The following AKAP8 variants were observed in gnomAD, a reference collection of about 807,000 sequenced individuals.
AKAP8 encodes the protein A-kinase anchor protein 8.
In AKAP8, 24 loss-of-function variants were observed where a neutral mutation model predicts 67.5. The observed-to-expected ratio is 0.36, with a 90% CI of 0.26 to 0.50. The LOEUF is 0.50. Among genes scored for constraint, AKAP8 ranks in the 20% least tolerant of loss-of-function variants. The pLI is 0.97. For missense variants in AKAP8, 971 were observed against 955.9 expected (o/e 1.02, Z -0.21); for synonymous variants, 400 against 371.1 (o/e 1.08, Z -0.90).
intron 1 of AKAP8, among the ~76,000 whole-genome samples, chr19:15,378,081 GC>G (rs1318516108): frequency 5.9e-5 from 9 of 152,208 alleles, no homozygotes; most frequent in African/African-American, 2.2e-4. Context: ...CCTAGTGCGT[GC>G]CGATACACCG....
intron 10 of AKAP8, 131 bp from the exon 11 acceptor site, chr19:15,361,953 C>A: frequency 3.7e-6 from 5 of 1,343,748 alleles, no homozygotes; most frequent in Non-Finnish European, 5.1e-6. Flanking sequence ...GGCTGGAGCT[C>A]CCGGTTGTCC....
chr19:15,355,613 T>G (rs2048273223), intron 13 of AKAP8, among the ~76,000 whole-genome samples: 1 of 151,680 alleles, frequency 6.6e-6, no homozygotes, highest in Non-Finnish European at 1.5e-5. Context: ...TGGACTGCAG[T>G]GGTGCGATCT....
At chr19:15,375,147 T>C (rs1967230535) in intron 2 of AKAP8, among the ~76,000 whole-genome samples, 1 of 152,188 alleles carries the variant, frequency 6.6e-6, no homozygotes, top group Non-Finnish European at 1.5e-5. Flanking sequence ...CCATGTTGCC[T>C]GAGTCAGATC....
chr19:15,361,640 C>A (rs772658575), intron 11 of AKAP8, 89 bp downstream of exon 11: 18 of 1,203,786 alleles, frequency 1.5e-5, no homozygotes, highest in Admixed American at 1.2e-4. Flanking sequence ...GTGTGAGCCA[C>A]CGTGCCCGGC....
Position 15,361,751 on chromosome 19 carries a change from T to C in AKAP8, c.1374A>G (p.Lys458=), listed in dbSNP as rs368004072. 6.2e-7 allele frequency: 1 copy of C among 1,613,744 alleles called. No homozygotes were observed. The highest frequency in any genetic ancestry group is 1.3e-5 in the African/African-American group (1 of 75,028). ...CACCTTTGAAAGGATCTGGTTTTGG[T>C]TTTGCGGTTTCTTTCTCCATCAATT... ...RQELMEKETA[K]PKPDPFKGIG... Residue 458 remains lysine (K), a synonymous_variant, in exon 11 of 14, where the codon AAA becomes AAG. Transcript: ENST00000269701.
Position 15,373,314 on chromosome 19 carries a change from G to A in AKAP8, c.398C>T (p.Ser133Phe). Reference sequence around the variant, plus strand: ...CGGCAGGCAGGGCCTGGAGTCATAGGACTCGAACGGCTGGAAGCGGAAGGA... The same window carrying A: ...CGGCAGGCAGGGCCTGGAGTCATAGAACTCGAACGGCTGGAAGCGGAAGGA... Reference protein sequence around the residue: ...ESSFRFQPFESYDSRPCLPEH... With the variant: ...ESSFRFQPFEFYDSRPCLPEH... Residue 133 changes from serine (S) to phenylalanine (F), a missense_variant, in exon 5 of 14, where the codon TCC becomes TTC. Ser to Phe is a radical substitution (Grantham distance 155). Coordinates refer to ENST00000269701, the MANE Select transcript of AKAP8 (RefSeq NM_005858.4). 1 of 1,611,690 alleles carries A rather than the reference G, an allele frequency of 6.2e-7. No individual in the cohort carries two copies. Among genetic ancestry groups the A allele is most frequent in the Non-Finnish European group, 8.5e-7 (1 of 1,178,930 alleles).
intron 13 of AKAP8, among the ~76,000 whole-genome samples, chr19:15,356,171 TG>T (rs1284469880): frequency 6.7e-6 from 1 of 149,830 alleles, no homozygotes; most frequent in Non-Finnish European, 1.5e-5. Context: ...GAGGCCAAGA[TG>T]GGTGGATCAC....
intron 8 of AKAP8, chr19:15,368,660 C>G: frequency 2.0e-6 from 2 of 985,292 alleles, no homozygotes; most frequent in South Asian, 4.7e-5. Context: ...GCGATGGGGT[C>G]TTCTCCCAAT....
chr19:15,375,405 C>T (rs12609449), intron 2 of AKAP8, among the ~76,000 whole-genome samples: 121,408 of 152,172 alleles, frequency 0.8, 48,709 homozygotes, highest in East Asian at 0.99. Context: ...TAGCCCTGTG[C>T]TCTCAGGCTC....
In AKAP8 at chr19:15,366,154, GA is replaced by G. The variant is rs374068497; in HGVS notation, c.1160+2080del. On this transcript the variant is annotated intron_variant, in intron 9 of 13. Coordinates refer to ENST00000269701, the MANE Select transcript of AKAP8 (RefSeq NM_005858.4). The stretch of plus-strand genomic sequence containing the variant: ...ATACAAGATGAAAAAAAAGCAAAAA[GA>G]AAAAAAAAAAAAGCAAAAAGTAGTA... 5.3e-4 allele frequency among the ~76,000 whole-genome samples: 50 copies of G among 95,026 alleles called. 1 individual carries two copies. In the South Asian group the frequency reaches 0.01, roughly 19 times the overall value. 62.3% of individuals were successfully genotyped at this position (95,026 alleles called of 152,430 possible).
chr19:15,376,923 G>T, intron 2 of AKAP8, 53 bp downstream of exon 2: 1 of 1,587,486 alleles, frequency 6.3e-7, no homozygotes, highest in African/African-American at 1.4e-5. Context: ...GCCATGCTAG[G>T]GCCTTGAGTT....
chr19:15,355,051 T>C lies in AKAP8; in HGVS notation c.1943A>G (p.Glu648Gly), dbSNP rs771586432. ...CATTGTCTCGGCGCCATTTCCAGCC[T>C]CTGCAGCCTCACTTCTGGCCTTGGG... The part of the protein sequence containing the change: ...GVPKARSEAA[E>G]AGNGAETMAA... Residue 648 changes from glutamate to glycine, a missense_variant, in exon 14 of 14, where the codon GAG becomes GGG. This residue lies in a region of AKAP8 where 204 missense variants were observed against 193.0 expected (regional missense o/e 1.06). Transcript: ENST00000269701. 1.2e-6 allele frequency: 2 copies of C among 1,614,136 alleles called. No individual in the cohort carries two copies. Among genetic ancestry groups the C allele is most frequent in the Non-Finnish European group, 1.7e-6 (2 of 1,180,042 alleles).
intron 1 of AKAP8, 132 bp from the exon 2 acceptor site, chr19:15,377,146 A>C: frequency 1.0e-6 from 1 of 1,000,510 alleles, no homozygotes; most frequent in Non-Finnish European, 1.4e-6. Flanking sequence ...CCCCCACCCC[A>C]CCAAAAAAAA....
Position 15,369,147 on chromosome 19 carries a change from G to T in AKAP8, c.1073-825C>A. The T allele has an allele frequency of 1.0e-6, 1 of 985,470 alleles. No homozygotes were observed. Among genetic ancestry groups the T allele is most frequent in the Non-Finnish European group, 1.2e-6 (1 of 829,958 alleles). 61.0% of individuals were successfully genotyped at this position (985,470 alleles called of 1,614,324 possible). On this transcript the variant is annotated intron_variant, in intron 8 of 13. Transcript: ENST00000269701. This position sits in a 1 kb window ranked among gnomAD's most constrained non-coding sequence, Gnocchi z 4.6. ...CAGAAGCCTCTCAAAAGGGCGTGTGGGATTTTTGGCAAGAGGTCACTGCCT... is the reference window on the plus strand; with the variant it reads ...CAGAAGCCTCTCAAAAGGGCGTGTGTGATTTTTGGCAAGAGGTCACTGCCT...
At chr19:15,356,064 G>A (rs908152131) in intron 13 of AKAP8, among the ~76,000 whole-genome samples, 2 of 151,874 alleles carry the variant, frequency 1.3e-5, no homozygotes, top group African/African-American at 2.4e-5. Context: ...ATGTACCAGC[G>A]AGGAAAAGTT....
chr19:15,353,704 T>C lies in AKAP8; in HGVS notation c.*1211A>G, dbSNP rs2145053853. 1 of 152,218 alleles carries C rather than the reference T, an allele frequency of 6.6e-6. No homozygotes were observed. Among genetic ancestry groups the C allele is most frequent in the Admixed American group, 6.6e-5 (1 of 15,264 alleles). The allele number at this position is 152,218 out of a possible 1,614,324, so 9.4% of individuals were successfully genotyped here. ...TATTCTACAGCCTCCTTTCTAATGA[T>C]TTCCCAGTGGCCAGCGTTTCCCAAC... On this transcript the variant is annotated 3_prime_UTR_variant, in exon 14 of 14. Transcript: ENST00000269701.
intron 5 of AKAP8, 129 bp from the exon 6 acceptor site, chr19:15,372,476 A>G: frequency 7.6e-7 from 1 of 1,319,744 alleles, no homozygotes; most frequent in Non-Finnish European, 1.0e-6. Flanking sequence ...CAAAGAGACA[A>G]CATAATTTGA....
intron 2 of AKAP8, among the ~76,000 whole-genome samples, chr19:15,376,179 C>T (rs1449028020): frequency 6.6e-6 from 1 of 152,174 alleles, no homozygotes; most frequent in Admixed American, 6.5e-5. Context: ...CTCAGCCTCC[C>T]AAAGTGCTGG....
At chr19:15,362,274 G>GGAGTGAAGCAGGGAGCATCAGC (rs748870403) in intron 9 of AKAP8, 23 bp from the exon 10 acceptor site, 10 of 1,613,460 alleles carry the variant, frequency 6.2e-6, no homozygotes, top group South Asian at 3.3e-5. Context: ...AACAAGGAGG[G>GGAGTGAAGCAGGGAGCATCAGC]GAGTGAAGCA....
Sources: allele counts gnomAD v4.1 joint callset (sites outside exome capture counted in the v4.1 genomes callset), GRCh38; gene constraint gnomAD v4.1.1; regional missense constraint gnomAD v4.1.1; non-coding constraint Gnocchi (gnomAD v3.1); transcripts MANE v1.5; gene names NCBI Gene and HGNC (gene_info 2026-07-23, HGNC 2026-07-21).